The following AGBL1 variants were observed in gnomAD, a reference collection of about 807,000 sequenced individuals.
AGBL1 encodes AGBL carboxypeptidase 1.
A neutral mutation model predicts 118.9 loss-of-function variants in AGBL1; 130 were observed. That is an observed-to-expected ratio of 1.09 (90% CI 0.95 to 1.26). The LOEUF is 1.26. Among genes scored for constraint, AGBL1 ranks in the 50% most tolerant of loss-of-function variants. The pLI is 0.00. For synonymous variants in AGBL1, 555 were observed against 478.9 expected, an observed-to-expected ratio of 1.16 and a Z score of -2.08; for missense variants, 1,584 against 1,298.1, an observed-to-expected ratio of 1.22 and a Z score of -3.38.
chr15:86,654,906 A>G (rs2085438459), intron 21 of AGBL1, among the ~76,000 whole-genome samples: 1 of 152,014 alleles, frequency 6.6e-6, no homozygotes, highest in Non-Finnish European at 1.5e-5. Context: ...GCCACTCTGG[A>G]ATCTCTCTCA....
intron 7 of AGBL1, among the ~76,000 whole-genome samples, chr15:86,248,691 G>A (rs974209107): frequency 6.6e-6 from 1 of 152,214 alleles, no homozygotes; most frequent in Admixed American, 6.5e-5. Flanking sequence ...TCTAGTGGTG[G>A]ATATGACAAA....
intron 17 of AGBL1, among the ~76,000 whole-genome samples, chr15:86,335,122 A>T (rs1412769760): frequency 6.6e-6 from 1 of 150,520 alleles, no homozygotes; most frequent in African/African-American, 2.4e-5. Flanking sequence ...ACTGAGAGAC[A>T]TGGAAGGTAG....
intron 22 of AGBL1, among the ~76,000 whole-genome samples, chr15:86,713,688 G>T (rs1441155498): frequency 1.3e-5 from 2 of 152,094 alleles, no homozygotes; most frequent in Non-Finnish European, 2.9e-5. Context: ...TTAGTGATGG[G>T]AGCCTAAAGC....
At chr15:86,408,646 A>C (rs1276420152) in intron 18 of AGBL1, among the ~76,000 whole-genome samples, 3 of 152,186 alleles carry the variant, frequency 2.0e-5, no homozygotes, top group Non-Finnish European at 1.5e-5. Flanking sequence ...GTTTTTAGAA[A>C]AATTTAAGAA....
intron 21 of AGBL1, among the ~76,000 whole-genome samples, chr15:86,617,232 T>C (rs1355815753): frequency 4.6e-5 from 7 of 152,210 alleles, no homozygotes; most frequent in South Asian, 2.1e-4. Context: ...TTCGACAGAA[T>C]TGATGTTTTC....
chr15:86,740,255 C>T (rs372787322), intron 22 of AGBL1, among the ~76,000 whole-genome samples: 2 of 152,154 alleles, frequency 1.3e-5, no homozygotes, highest in African/African-American at 2.4e-5. Flanking sequence ...TGGGATTGCC[C>T]CAGACCTTTC....
chr15:86,311,920 T>C (rs975408416), intron 17 of AGBL1, among the ~76,000 whole-genome samples: 1 of 152,208 alleles, frequency 6.6e-6, no homozygotes, highest in Non-Finnish European at 1.5e-5. Context: ...TTACAGTAAT[T>C]GGGACAGTGA....
At chr15:86,804,840 G>T (rs1250740723) in intron 22 of AGBL1, among the ~76,000 whole-genome samples, 9 of 152,158 alleles carry the variant, frequency 5.9e-5, no homozygotes, top group African/African-American at 2.4e-5. Context: ...TTCTTTGGAA[G>T]AATTATTTTC....
intron 21 of AGBL1, among the ~76,000 whole-genome samples, chr15:86,563,576 A>G (rs538965623): frequency 0.075 from 7,285 of 97,400 alleles, 492 homozygotes; most frequent in African/African-American, 0.2. Flanking sequence ...TGGACTAAGT[A>G]CGATGTGGTG....
intron 3 of AGBL1, among the ~76,000 whole-genome samples, chr15:86,145,986 G>A (rs186013871): frequency 2.6e-5 from 4 of 152,300 alleles, no homozygotes; most frequent in Admixed American, 2.0e-4. Context: ...AGTGAGCCAG[G>A]TGGACTCCAG....
intron 18 of AGBL1, among the ~76,000 whole-genome samples, chr15:86,431,931 C>T (rs1840607650): frequency 6.6e-6 from 1 of 152,148 alleles, no homozygotes; most frequent in Admixed American, 6.5e-5. Context: ...GGCTACTGGG[C>T]TGTGTATTGG....
intron 23 of AGBL1, among the ~76,000 whole-genome samples, chr15:86,939,437 C>T (rs191592971): frequency 1.7e-3 from 261 of 152,288 alleles, no homozygotes; most frequent in Non-Finnish European, 2.6e-3. Context: ...TCAGGCCTTC[C>T]GCCACAAACT....
intron 22 of AGBL1, among the ~76,000 whole-genome samples, chr15:86,783,757 G>T (rs537850442): frequency 2.4e-4 from 36 of 152,302 alleles, no homozygotes; most frequent in African/African-American, 8.4e-4. Flanking sequence ...AGCCTCCCAA[G>T]TATCTGGGAT....
intron 18 of AGBL1, among the ~76,000 whole-genome samples, chr15:86,517,622 T>A (rs1042927964): frequency 2.6e-5 from 4 of 152,176 alleles, no homozygotes; most frequent in African/African-American, 9.6e-5. Context: ...TGGAGGTGTG[T>A]AGGAACACCT....
At chr15:86,524,597 C>T (rs925737685) in intron 19 of AGBL1, among the ~76,000 whole-genome samples, 2 of 152,152 alleles carry the variant, frequency 1.3e-5, no homozygotes, top group African/African-American at 2.4e-5. Context: ...ATCTTAGTTA[C>T]TCTGTCTCCC....
At chr15:86,945,460 G>A (rs2080807798) in intron 23 of AGBL1, among the ~76,000 whole-genome samples, 1 of 151,876 alleles carries the variant, frequency 6.6e-6, no homozygotes, top group Non-Finnish European at 1.5e-5. Flanking sequence ...CTTGAGCAGA[G>A]GGGATTGAGA....
intron 22 of AGBL1, among the ~76,000 whole-genome samples, chr15:86,852,553 T>C: frequency 6.6e-6 from 1 of 152,220 alleles, no homozygotes; most frequent in East Asian, 1.9e-4. Context: ...GACTTAACAC[T>C]GAAGCTGATC....
intron 24 of AGBL1, among the ~76,000 whole-genome samples, chr15:86,993,822 TA>T (rs1427413971): frequency 6.6e-6 from 1 of 152,174 alleles, no homozygotes; most frequent in Non-Finnish European, 1.5e-5. Context: ...GTCATTTTAT[TA>T]GCGCTGGCCT....
intron 17 of AGBL1, chr15:86,296,596 C>T (rs1180775427): frequency 2.6e-5 from 4 of 152,204 alleles, no homozygotes; most frequent in African/African-American, 9.6e-5. Flanking sequence ...ATTATATTTT[C>T]TCACACCCCA....
Sources: gnomAD v4.1 joint callset for allele counts (sites outside exome capture counted in the v4.1 genomes callset) on GRCh38, gnomAD v4.1.1 for gene constraint, MANE v1.5 for transcripts, NCBI Gene and HGNC (gene_info 2026-07-23, HGNC 2026-07-21) for gene names.